Variants in YTHDC1 observed in about 807,000 individuals in gnomAD.
The protein encoded by YTHDC1 is YTH domain-containing protein 1.
Under a neutral mutation model 107.0 loss-of-function variants are expected in YTHDC1, and 12 were observed. The observed-to-expected ratio is 0.11, with a 90% CI of 0.07 to 0.18. The LOEUF (loss-of-function observed/expected upper bound fraction) is 0.18, where lower values mean the gene tolerates loss of function less well. YTHDC1 is among the 10% of genes least tolerant of loss of function. The pLI is 1.00. For missense variants in YTHDC1, 635 were observed against 898.8 expected (o/e 0.71, Z 3.75); for synonymous variants, 280 against 289.5 (o/e 0.97, Z 0.33).
At chr4:68,335,570 T>C (rs1724062320) in intron 4 of YTHDC1, among the ~76,000 whole-genome samples, 2 of 152,076 alleles carry the variant, frequency 1.3e-5, no homozygotes. Context: ...TTAAGTAAGT[T>C]CCCTTTGTTT....
At chr4:68,324,640 T>C (rs937592786) in intron 9 of YTHDC1, among the ~76,000 whole-genome samples, 2 of 152,222 alleles carry the variant, frequency 1.3e-5, no homozygotes, top group African/African-American at 4.8e-5. Context: ...AAGCTGGACC[T>C]TAACCCAGCT....
chr4:68,343,073 A>G (rs573094395), intron 1 of YTHDC1, among the ~76,000 whole-genome samples: 1 of 152,358 alleles, frequency 6.6e-6, no homozygotes, highest in East Asian at 1.9e-4. Context: ...CAGGTTAAGA[A>G]AAGGCCTATA....
intron 15 of YTHDC1, among the ~76,000 whole-genome samples, chr4:68,317,099 C>T (rs1721948864): frequency 6.6e-6 from 1 of 152,110 alleles, no homozygotes; most frequent in Non-Finnish European, 1.5e-5. Context: ...TGGCATGTGC[C>T]TGTAGTCCCA....
At chr4:68,344,329 G>GAA (rs11403171) in intron 1 of YTHDC1, among the ~76,000 whole-genome samples, 2 of 151,992 alleles carry the variant, frequency 1.3e-5, no homozygotes, top group East Asian at 3.9e-4. Flanking sequence ...TCTTAAACTT[G>GAA]AAAAAACCCA....
intron 1 of YTHDC1, among the ~76,000 whole-genome samples, chr4:68,347,110 C>G (rs1341519922): frequency 6.6e-6 from 1 of 152,122 alleles, no homozygotes; most frequent in African/African-American, 2.4e-5. Flanking sequence ...ATACAAAGAA[C>G]CCAGTGAACA....
intron 7 of YTHDC1, among the ~76,000 whole-genome samples, chr4:68,331,551 CA>C (rs1313737927): frequency 2.0e-5 from 3 of 152,016 alleles, no homozygotes; most frequent in Non-Finnish European, 4.4e-5. Context: ...TTTTTGTAGC[CA>C]AACATAAAAA....
At chr4:68,329,938 A>C (rs983476025) in intron 9 of YTHDC1, 64 bp downstream of exon 9, 74 of 1,223,916 alleles carry the variant, frequency 6.0e-5, no homozygotes, top group Non-Finnish European at 8.7e-5. Context: ...TCACTTTAAC[A>C]CATTATTCTA....
chr4:68,333,589 T>C (rs1001414011), intron 4 of YTHDC1, among the ~76,000 whole-genome samples, 192 bp from the exon 5 acceptor site: 28 of 152,192 alleles, frequency 1.8e-4, no homozygotes, highest in Non-Finnish European at 5.9e-5. Context: ...GGGCATCTTG[T>C]TTCTTTCATC....
intron 1 of YTHDC1, among the ~76,000 whole-genome samples, chr4:68,345,016 G>A (rs1400443807): frequency 2.6e-5 from 4 of 152,176 alleles, no homozygotes; most frequent in African/African-American, 9.7e-5. Context: ...GGGCAACAGA[G>A]TAAGACCCTG....
intron 9 of YTHDC1, among the ~76,000 whole-genome samples, chr4:68,324,566 C>T (rs1279730902): frequency 3.9e-5 from 6 of 152,148 alleles, no homozygotes; most frequent in Non-Finnish European, 8.8e-5. Flanking sequence ...TGAAATGACA[C>T]AGAAAATATT....
chr4:68,327,779 T>G (rs1194886354), intron 9 of YTHDC1, among the ~76,000 whole-genome samples: 1 of 152,118 alleles, frequency 6.6e-6, no homozygotes, highest in Non-Finnish European at 1.5e-5. Flanking sequence ...GAATTTAAAC[T>G]CAAGAGAGTT....
chr4:68,314,360 A>C (rs1194077282), intron 16 of YTHDC1, 37 bp from the exon 17 acceptor site: 2 of 1,603,896 alleles, frequency 1.2e-6, no homozygotes, highest in Middle Eastern at 1.7e-4. Flanking sequence ...TATGTCAAAA[A>C]GGCAAATAGT....
chr4:68,315,781 A>C (rs1057260558), intron 16 of YTHDC1: 7 of 152,236 alleles, frequency 4.6e-5, no homozygotes, highest in Non-Finnish European at 7.3e-5. Flanking sequence ...TCAATGAATA[A>C]AGGACATGTC....
In YTHDC1 at chr4:68,322,330, TATCTG is replaced by T. The variant is rs1296834590; in HGVS notation, c.1601+414_1601+418del. Among the ~76,000 whole-genome samples, 2 of 152,226 alleles carry T rather than the reference TATCTG, an allele frequency of 1.3e-5. No homozygotes were observed. Among genetic ancestry groups the T allele is most frequent in the African/African-American group, 4.8e-5 (2 of 41,458 alleles). On this transcript the variant is annotated intron_variant, in intron 11 of 16. Coordinates refer to ENST00000344157, the MANE Select transcript of YTHDC1 (RefSeq NM_001031732.4). This position sits in a 1 kb window ranked among gnomAD's most constrained non-coding sequence, Gnocchi z 4.8. ...TTAGTGATCCTTTATAAAAGTCCCA[TATCTG>T]ATAAGGCTTATCCAGAGACATACCT...
chr4:68,346,381 C>A (rs185103262), intron 1 of YTHDC1, among the ~76,000 whole-genome samples: 124 of 152,058 alleles, frequency 8.2e-4, no homozygotes, highest in Non-Finnish European at 1.5e-3. Context: ...CGACAGAAGC[C>A]GTCTGAAAAC....
At chr4:68,348,854 T>A (rs924491918) in intron 1 of YTHDC1, among the ~76,000 whole-genome samples, 1 of 152,212 alleles carries the variant, frequency 6.6e-6, no homozygotes, top group African/African-American at 2.4e-5. Flanking sequence ...TATGTTAATC[T>A]TAGGGTTGAA....
intron 1 of YTHDC1, among the ~76,000 whole-genome samples, chr4:68,345,754 T>G (rs1485078720): frequency 2.0e-5 from 3 of 151,956 alleles, no homozygotes; most frequent in Non-Finnish European, 2.9e-5. Context: ...TCCTAAGAAA[T>G]TACTATAGTG....
chr4:68,343,873 C>T (rs1011925782), intron 1 of YTHDC1, among the ~76,000 whole-genome samples: 1 of 151,962 alleles, frequency 6.6e-6, no homozygotes, highest in African/African-American at 2.4e-5. Flanking sequence ...TGAAACAATC[C>T]TACATTAAAC....
chr4:68,317,050 G>C (rs1430708578), intron 15 of YTHDC1, among the ~76,000 whole-genome samples: 1 of 152,106 alleles, frequency 6.6e-6, no homozygotes. Context: ...GGGTAACAGA[G>C]TGAGACCTTG....
Sources: allele counts gnomAD v4.1 joint callset (sites outside exome capture counted in the v4.1 genomes callset), GRCh38; gene constraint gnomAD v4.1.1; non-coding constraint Gnocchi (gnomAD v3.1); transcripts MANE v1.5; gene names NCBI Gene and HGNC (gene_info 2026-07-23, HGNC 2026-07-21).